CSDE1: variants seen among roughly 807,000 people sequenced by gnomAD.
The protein encoded by CSDE1 is cold shock domain containing E1.
Under a neutral mutation model 89.3 loss-of-function variants are expected in CSDE1, and 17 were observed. The observed-to-expected ratio is 0.19, with a 90% CI of 0.13 to 0.29. The LOEUF is 0.29. Among genes scored for constraint, CSDE1 ranks in the 10% least tolerant of loss-of-function variants. CSDE1 has a pLI of 1.00. For missense variants in CSDE1, 672 were observed against 984.2 expected, an observed-to-expected ratio of 0.68 and a Z score of 4.24; for synonymous variants, 322 against 332.8, an observed-to-expected ratio of 0.97 and a Z score of 0.35.
At chr1:114,747,728 C>T (rs947705966) in intron 2 of CSDE1, among the ~76,000 whole-genome samples, 2 of 151,924 alleles carry the variant, frequency 1.3e-5, no homozygotes, top group East Asian at 1.9e-4. Flanking sequence ...CATGGTGATG[C>T]GCGCCTGTAA....
At chr1:114,740,614 G>C (rs1289254137) in intron 2 of CSDE1, among the ~76,000 whole-genome samples, 3 of 152,146 alleles carry the variant, frequency 2.0e-5, no homozygotes, top group Admixed American at 2.0e-4. Flanking sequence ...GATGAAATCT[G>C]TAACTATCAC....
chr1:114,747,404 T>C (rs1034612108), intron 2 of CSDE1, among the ~76,000 whole-genome samples: 1 of 152,216 alleles, frequency 6.6e-6, no homozygotes, highest in African/African-American at 2.4e-5. Flanking sequence ...TTGTGGTTTC[T>C]TTGTACATAT....
chr1:114,718,215 C>A lies in CSDE1; in HGVS notation c.2351G>T (p.Gly784Val). Residue 784 changes from glycine (G) to valine (V), a missense_variant and splice_region_variant, in exon 20 of 20, where the codon GGG becomes GTG. By Grantham distance (109) the Gly-to-Val change is moderately radical. Coordinates refer to ENST00000358528, the MANE Select transcript of CSDE1 (RefSeq NM_001007553.3). ...RQPRGPDNSM[G>V]FGAERKIRQA... The stretch of plus-strand genomic sequence containing the variant: ...ACGGATCTTTCTTTCTGCACCAAAC[C>A]CCTGTGGGGGGGAGAAAAAAAAAAC... The A allele has an allele frequency of 6.2e-7, 1 of 1,613,622 alleles. No homozygotes were observed. The highest frequency in any genetic ancestry group is 2.2e-5 in the East Asian group (1 of 44,876).
chr1:114,718,629 C>A lies in CSDE1; in HGVS notation c.2333G>T (p.Gly778Val). The A allele has an allele frequency of 4.3e-6, 7 of 1,614,074 alleles. No individual in the cohort carries two copies. The highest frequency in any genetic ancestry group is 5.9e-6 in the Non-Finnish European group (7 of 1,179,984). The change falls in exon 19 of 20, where the codon GGA (glycine) becomes GTA (valine). Residue 778 changes from glycine to valine, a missense_variant. Gly to Val is a moderately radical substitution (Grantham distance 109). Coordinates refer to ENST00000358528, the MANE Select transcript of CSDE1 (RefSeq NM_001007553.3). The stretch of plus-strand genomic sequence containing the variant: ...CCCTCATACCATTGAGTTATCTGGT[C>A]CCCTTGGCTGACGAAGAACCATTAG... ...PRLMVLRQPRGPDNSMGFGAE... is the reference protein window; with the variant it reads ...PRLMVLRQPRVPDNSMGFGAE...
At chr1:114,756,168 A>C (rs751042075) in intron 1 of CSDE1, among the ~76,000 whole-genome samples, 21 of 152,202 alleles carry the variant, frequency 1.4e-4, no homozygotes, top group Non-Finnish European at 2.9e-4. Flanking sequence ...GGTCACACTT[A>C]AGTCAGTACT....
At chr1:114,746,650 T>C (rs1180470817) in intron 2 of CSDE1, 1 of 152,160 alleles carries the variant, frequency 6.6e-6, no homozygotes, top group Non-Finnish European at 1.5e-5. Flanking sequence ...GAACTACTCA[T>C]TAGGTCTCTG....
intron 3 of CSDE1, 133 bp from the exon 4 acceptor site, chr1:114,738,205 A>C: frequency 1.5e-6 from 1 of 673,206 alleles, no homozygotes; most frequent in East Asian, 2.7e-5. Flanking sequence ...CTGGACCAGC[A>C]GCATTAACAT....
chr1:114,731,782 A>T (rs867355240), intron 10 of CSDE1, among the ~76,000 whole-genome samples: 1 of 152,210 alleles, frequency 6.6e-6, no homozygotes, highest in African/African-American at 2.4e-5. Context: ...CCAACACAAC[A>T]AATTGTTAAA....
intron 2 of CSDE1, among the ~76,000 whole-genome samples, chr1:114,742,980 T>G (rs1242469338): frequency 1.3e-5 from 2 of 152,214 alleles, no homozygotes; most frequent in Non-Finnish European, 2.9e-5. Flanking sequence ...ACCACTGTGT[T>G]TTACAATGCA....
intron 1 of CSDE1, among the ~76,000 whole-genome samples, chr1:114,750,825 C>G (rs1368341084): frequency 6.6e-6 from 1 of 152,192 alleles, no homozygotes; most frequent in Non-Finnish European, 1.5e-5. Context: ...TGAAACAGCA[C>G]ATAAGTCAAG....
intron 1 of CSDE1, among the ~76,000 whole-genome samples, chr1:114,751,701 A>C (rs932256820): frequency 1.5e-4 from 23 of 151,926 alleles, no homozygotes; most frequent in African/African-American, 4.1e-4. Flanking sequence ...TTTAAAAAAA[A>C]AAAAACAAAA....
Position 114,730,585 on chromosome 1 carries a change from T to C in CSDE1, c.1114A>G (p.Met372Val). 1 of 1,613,824 alleles carries C rather than the reference T, an allele frequency of 6.2e-7. No homozygotes were observed. Among genetic ancestry groups the C allele is most frequent in the Non-Finnish European group, 8.5e-7 (1 of 1,179,954 alleles). Residue 372 changes from methionine (M) to valine (V), a missense_variant, in exon 11 of 20, where the codon ATG becomes GTG. Coordinates refer to ENST00000358528, the MANE Select transcript of CSDE1 (RefSeq NM_001007553.3). ...AGAATTTCACTGAAGTGGAAGAACA[T>C]ACGAACATCACGATCCACACACTTG... ...FIKCVDRDVR[M>V]FFHFSEILDG...
In CSDE1 at chr1:114,717,007, A is replaced by C. The variant is rs1570879897; in HGVS notation, c.*1162T>G. 6.5e-6 allele frequency: 1 copy of C among 152,728 alleles called. No homozygotes were observed. Among genetic ancestry groups the C allele is most frequent in the Admixed American group, 6.5e-5 (1 of 15,292 alleles). The allele number at this position is 152,728 out of a possible 1,614,324, so 9.5% of individuals were successfully genotyped here. On this transcript the variant is annotated 3_prime_UTR_variant, in exon 20 of 20. Transcript: ENST00000358528. ...AAAGCAAAAATGTTTCGTGTTTACAAAGATAAACGGCCTCTTTACCCAGAG... is the reference window on the plus strand; with the variant it reads ...AAAGCAAAAATGTTTCGTGTTTACACAGATAAACGGCCTCTTTACCCAGAG...
intron 2 of CSDE1, among the ~76,000 whole-genome samples, chr1:114,746,330 A>G (rs1489914527): frequency 6.6e-6 from 1 of 152,218 alleles, no homozygotes; most frequent in Non-Finnish European, 1.5e-5. Flanking sequence ...TGTAAAACTA[A>G]AACACATCCC....
intron 12 of CSDE1, among the ~76,000 whole-genome samples, chr1:114,728,435 T>A (rs539913891): frequency 6.6e-6 from 1 of 151,632 alleles, no homozygotes; most frequent in Non-Finnish European, 1.5e-5. Context: ...CCTGAGGGAG[T>A]CCAGTGCAGC....
In CSDE1 at chr1:114,739,578, A is replaced by T. The variant is rs575558299; in HGVS notation, c.199+114T>A. ...TATTCTTCACTAAACAGTACAACTA[A>T]AAGTCCAAAATGTTTTAATTTACAT... On this transcript the variant is annotated intron_variant, in intron 3 of 19. Coordinates refer to ENST00000358528, the MANE Select transcript of CSDE1 (RefSeq NM_001007553.3). 11 of 843,710 alleles carry T rather than the reference A, an allele frequency of 1.3e-5. No homozygotes were observed. The African/African-American group carries it at 1.3e-4, about 10-fold the overall frequency. The allele number at this position is 843,710 out of a possible 1,614,324, so 52.3% of individuals were successfully genotyped here.
intron 6 of CSDE1, among the ~76,000 whole-genome samples, chr1:114,736,280 C>G (rs1660397848): frequency 6.6e-6 from 1 of 152,102 alleles, no homozygotes; most frequent in Non-Finnish European, 1.5e-5. Flanking sequence ...AAAAGTCTAC[C>G]ACTTCCACCA....
chr1:114,718,588 C>A (rs1444007803), intron 19 of CSDE1, 25 bp downstream of exon 19: 1 of 1,608,822 alleles, frequency 6.2e-7, no homozygotes, highest in Admixed American at 1.7e-5. Flanking sequence ...AGTTGGCCTC[C>A]CCCAAGCCTT....
chr1:114,726,227 T>C lies in CSDE1; in HGVS notation c.1624A>G (p.Ile542Val). Residue 542 changes from isoleucine to valine, a missense_variant, in exon 14 of 20, where the codon ATC (isoleucine) becomes GTC (valine). Coordinates refer to ENST00000358528, the MANE Select transcript of CSDE1 (RefSeq NM_001007553.3). The part of the protein sequence containing the change: ...FIETANHDKE[I>V]FFHYSEFSGD... ...ACGCCTTACCTGTAATGGAAAAAGA[T>C]TTCCTTATCATGATTGGCTGTTTCA... is the stretch of plus-strand genomic sequence containing the variant. 6.2e-7 allele frequency: 1 copy of C among 1,608,112 alleles called. No homozygotes were observed. The highest frequency in any genetic ancestry group is 8.5e-7 in the Non-Finnish European group (1 of 1,177,756).
Sources: gnomAD v4.1 joint callset for allele counts (sites outside exome capture counted in the v4.1 genomes callset) on GRCh38, gnomAD v4.1.1 for gene constraint, MANE v1.5 for transcripts, NCBI Gene and HGNC (gene_info 2026-07-23, HGNC 2026-07-21) for gene names.